The following ZNF514 variants were observed in gnomAD, a reference collection of about 807,000 sequenced individuals.
ZNF514 encodes the protein zinc finger protein 514.
ZNF514 carries 12 observed loss-of-function variants against 9.7 expected under a neutral mutation model. The observed-to-expected ratio is 1.24, with a 90% CI of 0.79 to 2.01. ZNF514 has a LOEUF of 2.01. ZNF514 is among the 30% of genes most tolerant of loss of function. The pLI is 0.00. For missense variants in ZNF514, 467 were observed against 465.5 expected (o/e 1.00, Z -0.03); for synonymous variants, 158 against 163.7 (o/e 0.97, Z 0.27).
intron 1 of ZNF514, chr2:95,158,967 G>T: frequency 7.8e-7 from 1 of 1,289,024 alleles, no homozygotes; most frequent in Non-Finnish European, 1.0e-6. Context: ...AGCCAAACCT[G>T]ATGCTGTGGA....
the ZNF514 span, among the ~76,000 whole-genome samples, chr2:95,128,361 G>C: frequency 6.8e-6 from 1 of 148,034 alleles, no homozygotes; most frequent in Non-Finnish European, 1.5e-5. Context: ...TTGCACTCCA[G>C]CCTGGGCGAC....
the ZNF514 span, among the ~76,000 whole-genome samples, chr2:95,131,639 A>G: frequency 2.0e-5 from 3 of 152,366 alleles, no homozygotes; most frequent in East Asian, 5.8e-4. Context: ...ATGAGAGGGC[A>G]TTAAAACAAT....
At chr2:95,155,860 C>T (rs1195535532) in intron 2 of ZNF514, among the ~76,000 whole-genome samples, 5 of 152,074 alleles carry the variant, frequency 3.3e-5, no homozygotes, top group Non-Finnish European at 7.4e-5. Flanking sequence ...GAGCCATCCC[C>T]GGGTTCTCAC....
chr2:95,147,516 C>G lies in ZNF514; in HGVS notation c.*1766G>C, dbSNP rs1306074381. On this transcript the variant is annotated 3_prime_UTR_variant, in exon 5 of 5. Transcript: ENST00000295208. ...TTGCAGTTACTTTGTTTCTGAAGAT[C>G]TGCCATTTCTGGACATTTCCTAAAA... The G allele has an allele frequency of 6.6e-6, 1 of 152,164 alleles. No homozygotes were observed. Among genetic ancestry groups the G allele is most frequent in the Non-Finnish European group, 1.5e-5 (1 of 68,030 alleles). The allele number at this position is 152,164 out of a possible 1,614,324, so 9.4% of individuals were successfully genotyped here.
chr2:95,157,448 G>T lies in ZNF514; in HGVS notation c.-95-9C>A. The T allele has an allele frequency of 7.8e-7, 1 of 1,288,540 alleles. No individual in the cohort carries two copies. Among genetic ancestry groups the T allele is most frequent in the Non-Finnish European group, 1.0e-6 (1 of 987,800 alleles). The allele number at this position is 1,288,540 out of a possible 1,614,324, so 79.8% of individuals were successfully genotyped here. On this transcript the variant is annotated splice_polypyrimidine_tract_variant and intron_variant, in intron 1 of 4. Transcript: ENST00000295208. ...ATTCTGAGAAGGGGAAGCTGGGAAG[G>T]TAGAAGGAGACATAAGGGAAGCTGA...
At position 95,158,949 on chromosome 2, in the gene ZNF514, C is replaced by A. The variant is rs1403218982; in HGVS notation, c.-96+291G>T. The A allele has an allele frequency of 3.1e-6, 4 of 1,289,486 alleles. No individual in the cohort carries two copies. In the Admixed American group the frequency reaches 6.9e-5, roughly 22 times the overall value. 79.9% of individuals were successfully genotyped at this position (1,289,486 alleles called of 1,614,324 possible). A position where few individuals can be genotyped will look rare whatever the true frequency, so the allele number is the denominator to read the frequency against. On this transcript the variant is annotated intron_variant, in intron 1 of 4. Transcript: ENST00000295208. Reference sequence around the variant, plus strand: ...CCAAGAGGGCTCCTGGCCCTCTGCACGCTCCAGAGCCAAACCTGATGCTGT... The same window carrying A: ...CCAAGAGGGCTCCTGGCCCTCTGCAAGCTCCAGAGCCAAACCTGATGCTGT...
At chr2:95,130,213 A>C in the ZNF514 span, among the ~76,000 whole-genome samples, 4 of 152,278 alleles carry the variant, frequency 2.6e-5, no homozygotes, top group East Asian at 7.7e-4. Context: ...GGATTTTCAA[A>C]AGGGGAGGGA....
the ZNF514 span, among the ~76,000 whole-genome samples, chr2:95,124,645 C>T: frequency 5.9e-5 from 9 of 151,832 alleles, no homozygotes; most frequent in South Asian, 2.1e-4. Context: ...GGATTACAGG[C>T]GTGTCCCATT....
rs746542600 is a variant in ZNF514 at position 95,150,108 on chromosome 2, T to C, written c.377A>G (p.Gln126Arg). 2 of 1,612,764 alleles carry C rather than the reference T, an allele frequency of 1.2e-6. No homozygotes were observed. The highest frequency in any genetic ancestry group is 2.2e-5 in the East Asian group (1 of 44,886). ...CAGGTGTCTCTCCTGTTTTATCTGC[T>C]GCATCTCTAACTGGCCATCACAACC... ...ACGCDGQLEM[Q>R]QIKQERHLKQ... Residue 126 changes from glutamine to arginine, a missense_variant, in exon 5 of 5, where the codon CAG (glutamine) becomes CGG (arginine). Gln to Arg is a conservative substitution (Grantham distance 43). Coordinates refer to ENST00000295208, the MANE Select transcript of ZNF514 (RefSeq NM_032788.3).
the ZNF514 span, among the ~76,000 whole-genome samples, chr2:95,135,084 A>G: frequency 6.6e-6 from 1 of 152,180 alleles, no homozygotes; most frequent in Admixed American, 6.5e-5. Context: ...GATCCCTTGC[A>G]ATTTCATATA....
chr2:95,127,082 T>C, the ZNF514 span, among the ~76,000 whole-genome samples: 1 of 152,342 alleles, frequency 6.6e-6, no homozygotes, highest in East Asian at 1.9e-4. Flanking sequence ...CCTTAAAACA[T>C]CTGGATATTT....
chr2:95,154,250 C>A (rs1224650891), intron 2 of ZNF514: 1 of 152,224 alleles, frequency 6.6e-6, no homozygotes, highest in African/African-American at 2.4e-5. Flanking sequence ...TTGCAAATGG[C>A]AAATGATCTG....
rs1673339105 is a variant in ZNF514, at chr2:95,145,525, C to T, written c.*3757G>A. ...CATCTCACAGTAAGAACCTTGGTCT[C>T]CACAACACCTTATCTTAACCCAGAC... On this transcript the variant is annotated 3_prime_UTR_variant, in exon 5 of 5. Coordinates refer to ENST00000295208, the MANE Select transcript of ZNF514 (RefSeq NM_032788.3). Among the ~76,000 whole-genome samples the T allele has an allele frequency of 6.6e-6, 1 of 152,178 alleles. No homozygotes were observed. The highest frequency in any genetic ancestry group is 2.4e-5 in the African/African-American group (1 of 41,448).
the ZNF514 span, among the ~76,000 whole-genome samples, chr2:95,130,580 TTC>T: frequency 6.6e-6 from 1 of 152,226 alleles, no homozygotes; most frequent in Non-Finnish European, 1.5e-5. Flanking sequence ...TGCATTCTCT[TTC>T]TCAGGGACGT....
At chr2:95,153,459 C>T (rs538126229) in intron 2 of ZNF514, 200 bp from the exon 3 acceptor site, 78 of 440,716 alleles carry the variant, frequency 1.8e-4, no homozygotes, top group Admixed American at 7.6e-4. Flanking sequence ...TTAGAATTAA[C>T]AAATGAATAT....
At chr2:95,153,795 G>C (rs991334716) in intron 2 of ZNF514, 2 of 152,296 alleles carry the variant, frequency 1.3e-5, no homozygotes, top group Admixed American at 1.3e-4. Context: ...TACAGGTCCT[G>C]GCCAGAACTA....
At chr2:95,128,469 T>C in the ZNF514 span, among the ~76,000 whole-genome samples, 1 of 150,668 alleles carries the variant, frequency 6.6e-6, no homozygotes, top group South Asian at 2.1e-4. Context: ...GGCAGGAGAA[T>C]TGCTTGAACC....
At position 95,145,118 on chromosome 2, in the gene ZNF514, G is replaced by T. The variant is rs1673327323; in HGVS notation, c.*4164C>A. Among the ~76,000 whole-genome samples the T allele has an allele frequency of 6.6e-6, 1 of 152,202 alleles. No individual in the cohort carries two copies. The highest frequency in any genetic ancestry group is 1.5e-5 in the Non-Finnish European group (1 of 68,044). On this transcript the variant is annotated 3_prime_UTR_variant, in exon 5 of 5. Coordinates refer to ENST00000295208, the MANE Select transcript of ZNF514 (RefSeq NM_032788.3). Reference sequence around the variant, plus strand: ...ACTGGGCAACATAAGAGAAGCATGAGATGTGACATGAAGCAGCTGATAGTC... The same window carrying T: ...ACTGGGCAACATAAGAGAAGCATGATATGTGACATGAAGCAGCTGATAGTC...
intron 1 of ZNF514, chr2:95,158,804 CTGGGTCTG>C (rs1306183228): frequency 7.9e-7 from 1 of 1,258,748 alleles, no homozygotes; most frequent in Admixed American, 2.5e-5. Context: ...CTTCAGCCTT[CTGGGTCTG>C]GAAGGTTAGA....
Sources: gnomAD v4.1 joint callset for allele counts (sites outside exome capture counted in the v4.1 genomes callset) on GRCh38, gnomAD v4.1.1 for gene constraint, MANE v1.5 for transcripts, NCBI Gene and HGNC (gene_info 2026-07-23, HGNC 2026-07-21) for gene names.